The following TCF3 variants were observed in gnomAD, a reference collection of about 807,000 sequenced individuals.
TCF3 encodes the protein transcription factor E2-alpha.
Under a neutral mutation model 72.3 loss-of-function variants are expected in TCF3, and 54 were observed. The ratio of observed to expected loss-of-function variants is 0.75; its 90% confidence interval spans 0.60 to 0.94. The LOEUF (loss-of-function observed/expected upper bound fraction) is 0.94, where lower values mean the gene tolerates loss of function less well. TCF3 is among the 40% of genes least tolerant of loss of function. The pLI is 0.00. For synonymous variants in TCF3, 525 were observed against 412.6 expected (o/e 1.27, Z -3.30); for missense variants, 1,078 against 934.4 (o/e 1.15, Z -2.00).
chr19:1,621,433 C>A (rs770072750), intron 11 of TCF3, among the ~76,000 whole-genome samples: 79 of 152,006 alleles, frequency 5.2e-4, no homozygotes, highest in South Asian at 8.3e-4. Context: ...GTGGGTGAGT[C>A]CCCCTCTGGG....
chr19:1,626,317 G>A (rs1217550961), intron 6 of TCF3, among the ~76,000 whole-genome samples: 1 of 152,148 alleles, frequency 6.6e-6, no homozygotes, highest in Non-Finnish European at 1.5e-5. Context: ...GGGTATGGTG[G>A]CACATGCCTG....
At chr19:1,639,098 C>T (rs2064872023) in intron 3 of TCF3, among the ~76,000 whole-genome samples, 1 of 152,188 alleles carries the variant, frequency 6.6e-6, no homozygotes, top group African/African-American at 2.4e-5. Flanking sequence ...GGGTGGAGTG[C>T]GGTGGCGCGA....
chr19:1,620,386 T>A (rs914498614), intron 13 of TCF3, among the ~76,000 whole-genome samples: 3 of 152,012 alleles, frequency 2.0e-5, no homozygotes, highest in African/African-American at 7.2e-5. Context: ...AGCAAGCACG[T>A]CCTCACAGGG....
At chr19:1,645,143 C>T (rs1333234523) in intron 3 of TCF3, among the ~76,000 whole-genome samples, 2 of 152,074 alleles carry the variant, frequency 1.3e-5, no homozygotes, top group Non-Finnish European at 2.9e-5. Context: ...CCCCCTTTGC[C>T]CACCACTCAA....
chr19:1,610,934 G>T lies in TCF3; in HGVS notation c.*773C>A, dbSNP rs913768837. On this transcript the variant is annotated 3_prime_UTR_variant, in exon 19 of 19. Transcript: ENST00000262965. ...GTGTGCAGTGGCTTCCGGGGGGGGGGGGGGACGGGGGGGCTCAGGTTTACA... is the reference window on the plus strand; with the variant it reads ...GTGTGCAGTGGCTTCCGGGGGGGGGTGGGGACGGGGGGGCTCAGGTTTACA... The T allele has an allele frequency of 1.5e-5, 3 of 205,794 alleles. No individual in the cohort carries two copies. The highest frequency in any genetic ancestry group is 6.0e-5 in the Admixed American group (1 of 16,724). The allele number at this position is 205,794 out of a possible 1,614,324, so 12.7% of individuals were successfully genotyped here.
intron 3 of TCF3, among the ~76,000 whole-genome samples, chr19:1,637,095 C>A (rs1015473221): frequency 9.9e-5 from 15 of 151,830 alleles, no homozygotes; most frequent in Admixed American, 5.2e-4. Context: ...GGGGGACAAC[C>A]TCCTCCGCCA....
intron 3 of TCF3, among the ~76,000 whole-genome samples, chr19:1,635,535 G>A (rs2064277581): frequency 6.6e-6 from 1 of 151,806 alleles, no homozygotes; most frequent in African/African-American, 2.4e-5. Context: ...TCCCAGCCTG[G>A]GACCCCTCTT....
chr19:1,645,243 A>G (rs535743040), intron 3 of TCF3, among the ~76,000 whole-genome samples: 1 of 152,106 alleles, frequency 6.6e-6, no homozygotes, highest in East Asian at 1.9e-4. Flanking sequence ...GGAGGCAGGA[A>G]GGACACAGCT....
intron 16 of TCF3, among the ~76,000 whole-genome samples, chr19:1,617,987 T>C (rs569853066): frequency 1.3e-5 from 2 of 152,208 alleles, no homozygotes; most frequent in Admixed American, 6.5e-5. Context: ...AAAGTCTGCC[T>C]GGAAAGCAGG....
chr19:1,641,478 G>T (rs572340317), intron 3 of TCF3, among the ~76,000 whole-genome samples: 1 of 151,976 alleles, frequency 6.6e-6, no homozygotes, highest in East Asian at 1.9e-4. Context: ...CTTCAGACAC[G>T]GTCTCCCTCT....
rs1383615800 is a variant in TCF3, at chr19:1,618,250, T to TGGGCCCCGCCTTCAGGA, written c.1450+844_1450+860dup. 3.3e-5 allele frequency among the ~76,000 whole-genome samples: 5 copies of TGGGCCCCGCCTTCAGGA among 152,060 alleles called. No individual in the cohort carries two copies. In the East Asian group the frequency reaches 9.7e-4, roughly 29 times the overall value. The stretch of plus-strand genomic sequence containing the variant: ...CAAGTCCTGTCCATCACAAATCCTG[T>TGGGCCCCGCCTTCAGGA]GGGCCCCGCCTTCAGGAGATGCAGG... On this transcript the variant is annotated intron_variant, in intron 16 of 18. Transcript: ENST00000262965.
intron 6 of TCF3, among the ~76,000 whole-genome samples, chr19:1,626,059 C>T (rs2062841278): frequency 6.6e-6 from 1 of 152,154 alleles, no homozygotes; most frequent in African/African-American, 2.4e-5. Context: ...TTTTGTAAAG[C>T]CCTCGGTTGG....
chr19:1,645,943 TG>T (rs2066021970), intron 3 of TCF3, among the ~76,000 whole-genome samples: 1 of 152,020 alleles, frequency 6.6e-6, no homozygotes, highest in Admixed American at 6.5e-5. Context: ...GCTCACAAGG[TG>T]GGTGGGATCC....
chr19:1,612,570 GGTGGGCACAGCA>G (rs2061119347), intron 18 of TCF3: 1 of 799,148 alleles, frequency 1.3e-6, no homozygotes, highest in African/African-American at 1.7e-5. Context: ...GGCTGGTGTT[GGTGGGCACAGCA>G]GTGTGGGCAG....
chr19:1,642,288 A>G (rs963435838), intron 3 of TCF3, among the ~76,000 whole-genome samples: 1 of 150,152 alleles, frequency 6.7e-6, no homozygotes, highest in Non-Finnish European at 1.5e-5. Flanking sequence ...ACAGACGCGC[A>G]CACGCACAGA....
intron 3 of TCF3, among the ~76,000 whole-genome samples, chr19:1,635,840 G>C (rs2064321099): frequency 6.6e-6 from 1 of 152,166 alleles, no homozygotes; most frequent in Admixed American, 6.5e-5. Flanking sequence ...AAATACCACG[G>C]TCACGTCTAA....
intron 2 of TCF3, among the ~76,000 whole-genome samples, chr19:1,647,835 C>G (rs970096733): frequency 1.3e-5 from 2 of 152,240 alleles, no homozygotes; most frequent in Non-Finnish European, 2.9e-5. Context: ...AGCCCCCGCA[C>G]CCCTTGGAGC....
Position 1,622,166 on chromosome 19 carries a change from C to T in TCF3, c.710G>A (p.Gly237Glu). 1 of 1,573,242 alleles carries T rather than the reference C, an allele frequency of 6.4e-7. No individual in the cohort carries two copies. The highest frequency in any genetic ancestry group is 8.6e-7 in the Non-Finnish European group (1 of 1,161,910). The change falls in exon 10 of 19, where the codon GGG becomes GAG. Residue 237 changes from glycine (G) to glutamate (E), a missense_variant. Physicochemically the swap from Gly to Glu is moderately conservative, Grantham distance 98. Transcript: ENST00000262965. ...GGATGAGCCCCCACCCAGCATGGGC[C>T]CGAAGCCCGCCTGGCCCGGGGGACT... ...LWSPPGQAGF[G>E]PMLGGGSSPL... is the part of the protein sequence containing the mutation.
rs761846465 is a variant in TCF3 at position 1,622,419 on chromosome 19, C to A, written c.550-4G>T. The A allele has an allele frequency of 2.8e-5, 13 of 459,778 alleles. No homozygotes were observed. The highest frequency in any genetic ancestry group is 4.5e-5 in the Non-Finnish European group (12 of 267,762). The allele number at this position is 459,778 out of a possible 1,614,324, so 28.5% of individuals were successfully genotyped here. On this transcript the variant is annotated splice_region_variant and splice_polypyrimidine_tract_variant and intron_variant, in intron 8 of 18. Coordinates refer to ENST00000262965, the MANE Select transcript of TCF3 (RefSeq NM_003200.5). Reference sequence around the variant, plus strand: ...CACCTGAGCTGGGTGGGTACACCTGCGGGCGGGTGGGCGGTGGGGGGTGCA... The same window carrying A: ...CACCTGAGCTGGGTGGGTACACCTGAGGGCGGGTGGGCGGTGGGGGGTGCA...
Sources: gnomAD v4.1 joint callset for allele counts (sites outside exome capture counted in the v4.1 genomes callset) on GRCh38, gnomAD v4.1.1 for gene constraint, MANE v1.5 for transcripts, NCBI Gene and HGNC (gene_info 2026-07-23, HGNC 2026-07-21) for gene names.